Variants in PGM1 observed in about 807,000 individuals in gnomAD.
The protein encoded by PGM1 is phosphoglucomutase 1.
PGM1 carries 52 observed loss-of-function variants against 55.6 expected under a neutral mutation model. The observed-to-expected ratio is 0.94, with a 90% CI of 0.75 to 1.18. The LOEUF is 1.18. Among genes scored for constraint, PGM1 ranks in the 50% most tolerant of loss-of-function variants. The pLI is 0.00. For synonymous variants in PGM1, 287 were observed against 271.7 expected (o/e 1.06, Z -0.55); for missense variants, 724 against 729.3 (o/e 0.99, Z 0.08).
At chr1:63,658,391 TTC>T (rs1289466170) in intron 10 of PGM1, among the ~76,000 whole-genome samples, 16 of 135,504 alleles carry the variant, frequency 1.2e-4, no homozygotes, top group South Asian at 2.3e-4. Context: ...AGCAACAGAA[TTC>T]TCTCTTTTTT....
chr1:63,623,725 A>G lies in PGM1; in HGVS notation c.247-5700A>G, dbSNP rs771857484. 5.0e-6 allele frequency: 8 copies of G among 1,612,376 alleles called. No individual in the cohort carries two copies. In the East Asian group the frequency reaches 1.6e-4, roughly 31 times the overall value. ...TGGGCGGTACTTTAATAAATCAGCAATAGAAACAATAGTGCAGATGGCAGC... is the reference window on the plus strand; with the variant it reads ...TGGGCGGTACTTTAATAAATCAGCAGTAGAAACAATAGTGCAGATGGCAGC... On this transcript the variant is annotated intron_variant, in intron 1 of 10. Transcript: ENST00000371084.
At chr1:63,655,924 G>A (rs1041993116) in intron 10 of PGM1, 3 of 152,366 alleles carry the variant, frequency 2.0e-5, no homozygotes, top group African/African-American at 4.8e-5. Context: ...GTTGCATAAG[G>A]AGGGGTGAAC....
At chr1:63,598,867 G>A (rs886486803) in intron 1 of PGM1, among the ~76,000 whole-genome samples, 5 of 152,184 alleles carry the variant, frequency 3.3e-5, no homozygotes, top group African/African-American at 9.7e-5. Flanking sequence ...CATGTTCTCA[G>A]AGCAAACTAG....
Position 63,636,371 on chromosome 1 carries a change from G to C in PGM1, c.1011G>C (p.Thr337=). The C allele has an allele frequency of 1.2e-6, 2 of 1,614,066 alleles. No homozygotes were observed. The highest frequency in any genetic ancestry group is 1.7e-6 in the Non-Finnish European group (2 of 1,179,998). Reference sequence around the variant, plus strand: ...GCGGCTTTGCACGGAGCATGCCCACGAGTGGTGCTCTGGACCGGTAGGTGT... The same window carrying C: ...GCGGCTTTGCACGGAGCATGCCCACCAGTGGTGCTCTGGACCGGTAGGTGT... ...GVRGFARSMP[T]SGALDRVASA... Residue 337 remains threonine (T), a synonymous_variant, in exon 6 of 11, where the codon ACG becomes ACC. Transcript: ENST00000371084.
chr1:63,659,555 A>T, intron 10 of PGM1, 31 bp from the exon 11 acceptor site: 1 of 1,556,640 alleles, frequency 6.4e-7, no homozygotes, highest in Non-Finnish European at 8.9e-7. Context: ...AGAGGAAGTG[A>T]TGGAAAAGCT....
At chr1:63,618,679 G>C (rs566610510) in intron 1 of PGM1, among the ~76,000 whole-genome samples, 1 of 152,232 alleles carries the variant, frequency 6.6e-6, no homozygotes, top group Non-Finnish European at 1.5e-5. Flanking sequence ...GTGATGAGGG[G>C]TTACCTTTCC....
chr1:63,598,530 A>G (rs1354041926), intron 1 of PGM1, among the ~76,000 whole-genome samples: 1 of 152,234 alleles, frequency 6.6e-6, no homozygotes, highest in Non-Finnish European at 1.5e-5. Flanking sequence ...ATATGAAAAT[A>G]TAATTTTTAT....
At chr1:63,657,984 CT>C (rs938626579) in intron 10 of PGM1, among the ~76,000 whole-genome samples, 2 of 152,198 alleles carry the variant, frequency 1.3e-5, no homozygotes, top group African/African-American at 4.8e-5. Flanking sequence ...AATTTGTTTC[CT>C]CTGAACCATA....
At chr1:63,608,672 C>T (rs1301908696) in intron 1 of PGM1, among the ~76,000 whole-genome samples, 4 of 152,124 alleles carry the variant, frequency 2.6e-5, no homozygotes, top group Non-Finnish European at 4.4e-5. Context: ...TGAAATGAAG[C>T]AAAAGGGAAA....
chr1:63,631,505 G>A (rs879551627), intron 3 of PGM1, 152 bp from the exon 4 acceptor site: 9 of 720,728 alleles, frequency 1.2e-5, no homozygotes, highest in African/African-American at 5.2e-5. Context: ...AGATAGTATC[G>A]GATATCACTT....
intron 10 of PGM1, among the ~76,000 whole-genome samples, chr1:63,656,613 A>G (rs940098139): frequency 1.2e-4 from 17 of 146,634 alleles, no homozygotes; most frequent in Non-Finnish European, 2.3e-4. Flanking sequence ...TGTGTATACC[A>G]CAATGGAAAA....
In PGM1 at chr1:63,648,506, C is replaced by G. The variant is rs928908154; in HGVS notation, c.1145-11C>G. ...CACGTTTCTTACAGCAGCTTGCTGTCCCCCCTCCAGGTTCTGACCACATCC... is the reference window on the plus strand; with the variant it reads ...CACGTTTCTTACAGCAGCTTGCTGTGCCCCCTCCAGGTTCTGACCACATCC... On this transcript the variant is annotated splice_polypyrimidine_tract_variant and intron_variant, in intron 7 of 10. Transcript: ENST00000371084. 6.2e-7 allele frequency: 1 copy of G among 1,613,654 alleles called. No individual in the cohort carries two copies.
At position 63,637,514 on chromosome 1, in the gene PGM1, G is replaced by GT. The variant is rs151282428; in HGVS notation, c.1028+1133dup. Among the ~76,000 whole-genome samples the GT allele has an allele frequency of 2.0e-3, 305 of 152,276 alleles. 3 individuals are homozygous for GT. In the East Asian group the frequency reaches 0.024, roughly 12 times the overall value. ...TATAGTGGTTTGTAGTTTGTATAGT[G>GT]TTTTTTTACATTCACCATCTCAATT... On this transcript the variant is annotated intron_variant, in intron 6 of 10. Coordinates refer to ENST00000371084, the MANE Select transcript of PGM1 (RefSeq NM_002633.3).
At chr1:63,597,011 C>G (rs1378356238) in intron 1 of PGM1, among the ~76,000 whole-genome samples, 1 of 152,226 alleles carries the variant, frequency 6.6e-6, no homozygotes, top group Non-Finnish European at 1.5e-5. Flanking sequence ...TGCTTTGCCT[C>G]AGACATTGTA....
At chr1:63,658,000 T>G (rs1386530078) in intron 10 of PGM1, among the ~76,000 whole-genome samples, 1 of 152,242 alleles carries the variant, frequency 6.6e-6, no homozygotes, top group Non-Finnish European at 1.5e-5. Flanking sequence ...ACCATAGTCC[T>G]CAGCAGGTGG....
chr1:63,613,766 C>G (rs1264260159), intron 1 of PGM1, among the ~76,000 whole-genome samples: 2 of 144,594 alleles, frequency 1.4e-5, no homozygotes, highest in Admixed American at 1.4e-4. Flanking sequence ...GACATCTATA[C>G]TCTGTCCACC....
intron 3 of PGM1, among the ~76,000 whole-genome samples, chr1:63,630,885 A>AT (rs1055317514): frequency 3.9e-5 from 6 of 152,280 alleles, no homozygotes; most frequent in South Asian, 4.2e-4. Flanking sequence ...GATGGATTGC[A>AT]TTTTTTTGTT....
At chr1:63,633,947 T>TTTTTTTTTTTTTTTA (rs1649290887) in intron 4 of PGM1, among the ~76,000 whole-genome samples, 1 of 119,762 alleles carries the variant, frequency 8.3e-6, no homozygotes, top group African/African-American at 3.3e-5. Flanking sequence ...TTTTTTTTTT[T>TTTTTTTTTTTTTTTA]TTTTTTTTTT....
rs58900430 is a variant in PGM1, at chr1:63,604,959, G to GTGTGTGTGTGTGTGTGTGTGTT, written c.246+11226_246+11227insGTGTGTGTGTGTGTGTGTGTTT. ...TGTGTGTGTGTGTGTGTGTGTGTGT[G>GTGTGTGTGTGTGTGTGTGTGTT]TAAAGAGAGGGGATATAGTTGTATA... On this transcript the variant is annotated intron_variant, in intron 1 of 10. Coordinates refer to ENST00000371084, the MANE Select transcript of PGM1 (RefSeq NM_002633.3). 1.9e-4 allele frequency among the ~76,000 whole-genome samples: 25 copies of GTGTGTGTGTGTGTGTGTGTGTT among 134,294 alleles called. 1 individual carries two copies. The highest frequency in any genetic ancestry group is 3.1e-4 in the Non-Finnish European group (20 of 63,948). The allele number at this position is 134,294 out of a possible 152,430, so 88.1% of individuals were successfully genotyped here.
Sources: allele counts gnomAD v4.1 joint callset (sites outside exome capture counted in the v4.1 genomes callset), GRCh38; gene constraint gnomAD v4.1.1; transcripts MANE v1.5; gene names NCBI Gene and HGNC (gene_info 2026-07-23, HGNC 2026-07-21).